Variants in GALNT14 observed in about 807,000 individuals in gnomAD.
The protein encoded by GALNT14 is polypeptide N-acetylgalactosaminyltransferase 14.
Under a neutral mutation model 77.5 loss-of-function variants are expected in GALNT14, and 60 were observed. That is an observed-to-expected ratio of 0.77 (90% CI 0.63 to 0.96). The LOEUF (loss-of-function observed/expected upper bound fraction) is 0.96, where lower values mean the gene tolerates loss of function less well. Among genes scored for constraint, GALNT14 ranks in the 40% least tolerant of loss-of-function variants. The pLI, the probability that GALNT14 is intolerant of heterozygous loss-of-function variation, is 0.00. For missense variants in GALNT14, 710 were observed against 731.0 expected (o/e 0.97, Z 0.33); for synonymous variants, 280 against 281.7 (o/e 0.99, Z 0.06).
rs564755341 is a variant in GALNT14, at chr2:30,981,550, A to G, written c.299+11288T>C. On this transcript the variant is annotated intron_variant, in intron 2 of 14. Transcript: ENST00000349752. ...GCATGAGAGGGTGGAGAAGGCCTGC[A>G]TGAAGAAATGGACAAGGTGGCAATA... Among the ~76,000 whole-genome samples the G allele has an allele frequency of 1.8e-4, 28 of 152,196 alleles. No homozygotes were observed. In the East Asian group the frequency reaches 3.1e-3, roughly 17 times the overall value.
intron 1 of GALNT14, among the ~76,000 whole-genome samples, chr2:31,078,222 T>A (rs1573312957): frequency 6.6e-6 from 1 of 152,316 alleles, no homozygotes; most frequent in Middle Eastern, 3.4e-3. Context: ...GTATCAGGCA[T>A]AAGCTATGGC....
At chr2:30,923,885 T>A (rs1260337717) in intron 13 of GALNT14, among the ~76,000 whole-genome samples, 1 of 152,080 alleles carries the variant, frequency 6.6e-6, no homozygotes, top group African/African-American at 2.4e-5. Flanking sequence ...CAATTTCCTA[T>A]AGGCAGGATG....
chr2:31,032,512 T>C (rs1672480210), intron 1 of GALNT14, among the ~76,000 whole-genome samples: 1 of 152,086 alleles, frequency 6.6e-6, no homozygotes, highest in Admixed American at 6.5e-5. Context: ...ATTGTTGCTG[T>C]TTTACTTTAC....
chr2:31,050,740 A>G (rs1458146537), intron 1 of GALNT14, among the ~76,000 whole-genome samples: 1 of 151,096 alleles, frequency 6.6e-6, no homozygotes, highest in Non-Finnish European at 1.5e-5. Context: ...ACGTCTCTAT[A>G]ACTCTAAAAT....
intron 1 of GALNT14, among the ~76,000 whole-genome samples, chr2:31,013,220 C>A (rs1174275785): frequency 6.6e-6 from 1 of 152,068 alleles, no homozygotes; most frequent in Admixed American, 6.5e-5. Context: ...AACTGGTGAA[C>A]CTGAAGCAGA....
Position 31,135,406 on chromosome 2 carries a change from C to T in GALNT14, c.129+2552G>A, listed in dbSNP as rs150884519. Among the ~76,000 whole-genome samples, 25 of 152,278 alleles carry T rather than the reference C, an allele frequency of 1.6e-4. No homozygotes were observed. The East Asian group carries it at 4.4e-3, about 27-fold the overall frequency. Reference sequence around the variant, plus strand: ...CAAAGTCACAGGGAATAAAACTGTTCTGGCGTTACCTAAGGAGTCTCTGTC... The same window carrying T: ...CAAAGTCACAGGGAATAAAACTGTTTTGGCGTTACCTAAGGAGTCTCTGTC... On this transcript the variant is annotated intron_variant, in intron 1 of 14. Coordinates refer to ENST00000349752, the MANE Select transcript of GALNT14 (RefSeq NM_024572.4).
intron 1 of GALNT14, among the ~76,000 whole-genome samples, chr2:31,073,580 C>A (rs1332693769): frequency 3.9e-5 from 6 of 152,076 alleles, no homozygotes; most frequent in African/African-American, 1.4e-4. Flanking sequence ...ACTGCAAAGG[C>A]CTGAGACATG....
chr2:31,078,122 G>T (rs551174618), intron 1 of GALNT14, among the ~76,000 whole-genome samples: 1 of 152,334 alleles, frequency 6.6e-6, no homozygotes, highest in Admixed American at 6.5e-5. Context: ...ACTGGCTCCA[G>T]TGGAGACAGT....
At chr2:30,941,483 G>T (rs1423619712) in intron 9 of GALNT14, among the ~76,000 whole-genome samples, 1 of 152,180 alleles carries the variant, frequency 6.6e-6, no homozygotes, top group Non-Finnish European at 1.5e-5. Flanking sequence ...GTATCCTGAC[G>T]TTAACACCTT....
chr2:31,022,617 G>A (rs192046518), intron 1 of GALNT14, among the ~76,000 whole-genome samples: 151 of 152,328 alleles, frequency 9.9e-4, no homozygotes, highest in African/African-American at 3.5e-3. Context: ...GGGGGCCCAA[G>A]ACTGGTGGGA....
rs1390373207 is a variant in GALNT14 at position 30,981,473 on chromosome 2, T to C, written c.299+11365A>G. On this transcript the variant is annotated intron_variant, in intron 2 of 14. Transcript: ENST00000349752. ...AGTGAGAAGACATGTCAAATCAGCC[T>C]ACATGTGCACCTCAGGCTAGGAGAG... Among the ~76,000 whole-genome samples, 3 of 152,218 alleles carry C rather than the reference T, an allele frequency of 2.0e-5. No homozygotes were observed. In the East Asian group the frequency reaches 5.8e-4, roughly 29 times the overall value.
In GALNT14 at chr2:30,970,981, C is replaced by T. The variant is rs564774420; in HGVS notation, c.300-4679G>A. On this transcript the variant is annotated intron_variant, in intron 2 of 14. Transcript: ENST00000349752. Reference sequence around the variant, plus strand: ...GGTGAGGGAAATCCACATCCTGTGACTCCTAATCTGGTGCTCGTCCCTACA... The same window carrying T: ...GGTGAGGGAAATCCACATCCTGTGATTCCTAATCTGGTGCTCGTCCCTACA... Among the ~76,000 whole-genome samples, 5 of 152,290 alleles carry T rather than the reference C, an allele frequency of 3.3e-5. No individual in the cohort carries two copies. In the South Asian group the frequency reaches 6.2e-4, roughly 19 times the overall value.
At chr2:30,910,303 A>C (rs1334968396), downstream of GALNT14, among the ~76,000 whole-genome samples, 1 of 152,092 alleles carries the variant, frequency 6.6e-6, no homozygotes, top group Non-Finnish European at 1.5e-5. Context: ...TGTCATTTTA[A>C]GATCCCACAG....
chr2:31,022,059 G>A (rs976406369), intron 1 of GALNT14, among the ~76,000 whole-genome samples: 6 of 152,174 alleles, frequency 3.9e-5, no homozygotes, highest in East Asian at 1.9e-4. Context: ...GAAAGATTCC[G>A]TCTTCCCTGT....
chr2:31,035,029 G>C (rs1268510096), intron 1 of GALNT14, among the ~76,000 whole-genome samples: 2 of 152,184 alleles, frequency 1.3e-5, no homozygotes, highest in Admixed American at 6.5e-5. Context: ...GCCTATCCTA[G>C]AGAATGTTCC....
chr2:31,027,469 T>G (rs1672140458), intron 1 of GALNT14, among the ~76,000 whole-genome samples: 1 of 151,884 alleles, frequency 6.6e-6, no homozygotes, highest in Non-Finnish European at 1.5e-5. Context: ...AGTATTTTCT[T>G]ACTCTGAGAA....
rs150049844 is a variant in GALNT14 at position 30,966,208 on chromosome 2, G to A, written c.394C>T (p.Arg132Cys). 1.9e-5 allele frequency: 31 copies of A among 1,613,556 alleles called. No homozygotes were observed. The highest frequency in any genetic ancestry group is 1.2e-4 in the Admixed American group (7 of 59,996). Residue 132 changes from arginine to cysteine, a missense_variant, in exon 3 of 15, where the codon CGC (arginine) becomes TGC (cysteine). Transcript: ENST00000349752. ...AGACAAGCAAGGATGCCTCACCTGC[G>A]GATGGTCCTGAGCAGCGTGGAGCGG... ...EARSTLLRTI[R>C]SVLNRTPTHL...
chr2:30,895,296 A>G, the GALNT14 span, among the ~76,000 whole-genome samples: 1 of 152,072 alleles, frequency 6.6e-6, no homozygotes, highest in Non-Finnish European at 1.5e-5. Context: ...TGGACAGAGG[A>G]CATGCAGGTA....
chr2:31,133,418 A>G (rs1266666476), intron 1 of GALNT14, among the ~76,000 whole-genome samples: 1 of 152,218 alleles, frequency 6.6e-6, no homozygotes, highest in Non-Finnish European at 1.5e-5. Context: ...AGTGTCATAT[A>G]CTTAAGGCAT....
Sources: gnomAD v4.1 joint callset for allele counts (sites outside exome capture counted in the v4.1 genomes callset) on GRCh38, gnomAD v4.1.1 for gene constraint, MANE v1.5 for transcripts, NCBI Gene and HGNC (gene_info 2026-07-23, HGNC 2026-07-21) for gene names.